The following WDR49 variants were observed in gnomAD, a reference collection of about 807,000 sequenced individuals.
The protein encoded by WDR49 is WD repeat domain 49.
In WDR49, 107 loss-of-function variants were observed where a neutral mutation model predicts 119.5. The observed-to-expected ratio is 0.90, with a 90% confidence interval of 0.77 to 1.05. WDR49 has a LOEUF of 1.05. Among genes scored for constraint, WDR49 ranks in the 50% least tolerant of loss-of-function variants. The pLI is 0.00. For synonymous variants in WDR49, 425 were observed against 418.8 expected, an observed-to-expected ratio of 1.01 and a Z score of -0.18; for missense variants, 1,240 against 1,220.5, an observed-to-expected ratio of 1.02 and a Z score of -0.24.
At chr3:167,555,290 G>A (rs185974393) in intron 9 of WDR49, among the ~76,000 whole-genome samples, 183 of 152,270 alleles carry the variant, frequency 1.2e-3, no homozygotes, top group Non-Finnish European at 4.9e-4. Context: ...CTGAACATAC[G>A]TGGAGGTTGC....
chr3:167,502,023 G>A (rs1330524816), intron 17 of WDR49, among the ~76,000 whole-genome samples: 1 of 152,172 alleles, frequency 6.6e-6, no homozygotes, highest in Non-Finnish European at 1.5e-5. Flanking sequence ...CCTGGTAGAA[G>A]ATGACTGGAT....
At chr3:167,574,044 G>A (rs1714098932) in intron 8 of WDR49, among the ~76,000 whole-genome samples, 1 of 152,152 alleles carries the variant, frequency 6.6e-6, no homozygotes, top group South Asian at 2.1e-4. Flanking sequence ...TCCATAAAAA[G>A]CACTTCGGTT....
At chr3:167,580,062 T>C (rs1577253190) in intron 7 of WDR49, among the ~76,000 whole-genome samples, 1 of 152,292 alleles carries the variant, frequency 6.6e-6, no homozygotes, top group African/African-American at 2.4e-5. Context: ...ACATAAATTA[T>C]ATGATAAATT....
rs1162973369 is a variant in WDR49, at chr3:167,480,247, T to TAAAA, written c.3032-1255_3032-1252dup. ...CCAAGCAACAGAGAGAGACTCTGTC[T>TAAAA]AAAAAAAAAAAAAAAAAAAAAAAAG... On this transcript the variant is annotated intron_variant, in intron 18 of 18. Transcript: ENST00000682715. 2.0e-4 allele frequency among the ~76,000 whole-genome samples: 11 copies of TAAAA among 55,078 alleles called. 1 individual carries two copies. The highest frequency in any genetic ancestry group is 0.014 in the Middle Eastern group (1 of 72). The allele number at this position is 55,078 out of a possible 152,430, so 36.1% of individuals were successfully genotyped here. A position where few individuals can be genotyped will look rare whatever the true frequency, so the allele number is the denominator to read the frequency against.
intron 8 of WDR49, among the ~76,000 whole-genome samples, chr3:167,571,543 G>A (rs923025899): frequency 6.6e-6 from 1 of 152,062 alleles, no homozygotes; most frequent in African/African-American, 2.4e-5. Flanking sequence ...AAGGGAAATG[G>A]ATCAGTAAAT....
intron 2 of WDR49, among the ~76,000 whole-genome samples, chr3:167,647,639 G>T (rs1718185544): frequency 6.6e-6 from 1 of 152,012 alleles, no homozygotes; most frequent in South Asian, 2.1e-4. Context: ...TTAAAAATAG[G>T]TATTTTGATT....
At chr3:167,603,679 T>C (rs552008059) in intron 6 of WDR49, among the ~76,000 whole-genome samples, 82 of 152,298 alleles carry the variant, frequency 5.4e-4, no homozygotes, top group African/African-American at 1.9e-3. Flanking sequence ...TATCAAATTA[T>C]CAGCTTTCAG....
intron 3 of WDR49, among the ~76,000 whole-genome samples, chr3:167,622,790 A>G (rs554296227): frequency 2.0e-5 from 3 of 152,298 alleles, no homozygotes; most frequent in African/African-American, 7.2e-5. Flanking sequence ...GCACAGGCAC[A>G]TTCTCCAGGG....
chr3:167,585,216 T>C (rs745538072), intron 7 of WDR49, among the ~76,000 whole-genome samples: 6 of 152,146 alleles, frequency 3.9e-5, no homozygotes, highest in Non-Finnish European at 7.4e-5. Context: ...ACATTTTCAC[T>C]GCTGACAAGA....
chr3:167,521,113 G>A (rs1216936804), intron 16 of WDR49, among the ~76,000 whole-genome samples: 1 of 151,926 alleles, frequency 6.6e-6, no homozygotes, highest in African/African-American at 2.4e-5. Context: ...TGGAAAAGTT[G>A]GTATTGCAAA....
At chr3:167,575,123 G>C in intron 8 of WDR49, 1 of 985,394 alleles carries the variant, frequency 1.0e-6, no homozygotes, top group Non-Finnish European at 1.2e-6. Flanking sequence ...GTAAGCTGGA[G>C]ACTTGCTTCT....
At chr3:167,577,978 C>G (rs1025865313) in intron 7 of WDR49, among the ~76,000 whole-genome samples, 2 of 152,132 alleles carry the variant, frequency 1.3e-5, no homozygotes, top group Non-Finnish European at 2.9e-5. Context: ...AACATACTAA[C>G]AGGTCCTAGG....
At chr3:167,556,183 C>T (rs1712916142) in intron 9 of WDR49, among the ~76,000 whole-genome samples, 1 of 152,106 alleles carries the variant, frequency 6.6e-6, no homozygotes, top group African/African-American at 2.4e-5. Context: ...AATATGTATA[C>T]TAAATGGAGA....
chr3:167,638,648 A>G (rs1333084293), intron 2 of WDR49, among the ~76,000 whole-genome samples: 7 of 151,742 alleles, frequency 4.6e-5, no homozygotes, highest in African/African-American at 1.2e-4. Flanking sequence ...TTACCTACTA[A>G]TGAACATTTA....
chr3:167,560,331 C>G lies in WDR49; in HGVS notation c.1510-103G>C, dbSNP rs1713192537. The G allele has an allele frequency of 3.4e-6, 4 of 1,169,476 alleles. No homozygotes were observed. The East Asian group carries it at 1.0e-4, about 30-fold the overall frequency. The allele number at this position is 1,169,476 out of a possible 1,614,324, so 72.4% of individuals were successfully genotyped here. On this transcript the variant is annotated intron_variant, in intron 8 of 18. Transcript: ENST00000682715. ...CCTGTGCATTTCTAGTCCAAAGATC[C>G]CCCAACAGTCAGAGACATTTTTGTA...
chr3:167,654,008 A>T (rs1325511592), upstream of WDR49: 2 of 152,316 alleles, frequency 1.3e-5, no homozygotes, highest in African/African-American at 4.8e-5. Flanking sequence ...TTTCCTGGCA[A>T]CCAACACAAA....
chr3:167,643,527 G>C (rs1020398569), intron 2 of WDR49, among the ~76,000 whole-genome samples: 5 of 152,072 alleles, frequency 3.3e-5, no homozygotes, highest in Admixed American at 1.3e-4. Flanking sequence ...TATTGGATCT[G>C]TGATTTTATA....
chr3:167,570,463 G>T (rs1713870179), intron 8 of WDR49, among the ~76,000 whole-genome samples: 1 of 152,048 alleles, frequency 6.6e-6, no homozygotes, highest in South Asian at 2.1e-4. Context: ...TTAAATAATG[G>T]AAGGCCACAT....
intron 7 of WDR49, among the ~76,000 whole-genome samples, chr3:167,576,682 A>G (rs147701753): frequency 6.6e-6 from 1 of 152,236 alleles, no homozygotes; most frequent in East Asian, 1.9e-4. Context: ...TGATCCAAGG[A>G]AGCTTGAAAA....
Sources: allele counts gnomAD v4.1 joint callset (sites outside exome capture counted in the v4.1 genomes callset), GRCh38; gene constraint gnomAD v4.1.1; transcripts MANE v1.5; gene names NCBI Gene and HGNC (gene_info 2026-07-23, HGNC 2026-07-21).